The following KIF2A variants were observed in gnomAD, a reference collection of about 807,000 sequenced individuals.
KIF2A encodes the protein kinesin-like protein KIF2A.
A neutral mutation model predicts 100.2 loss-of-function variants in KIF2A; 22 were observed. The ratio of observed to expected loss-of-function variants is 0.22; its 90% CI spans 0.16 to 0.31. KIF2A has a LOEUF of 0.31. KIF2A is among the 10% of genes least tolerant of loss of function. The pLI, the probability that KIF2A is intolerant of heterozygous loss-of-function variation, is 1.00. For synonymous variants in KIF2A, 268 were observed against 285.9 expected, an observed-to-expected ratio of 0.94 and a Z score of 0.63; for missense variants, 495 against 898.7, an observed-to-expected ratio of 0.55 and a Z score of 5.74.
chr5:62,362,313 A>G (rs1417157574), intron 11 of KIF2A, 137 bp from the exon 12 acceptor site: 1 of 355,250 alleles, frequency 2.8e-6, no homozygotes, highest in Non-Finnish European at 5.1e-6. Context: ...TAAAATTAAT[A>G]TTCACTTTCT....
chr5:62,342,248 C>T (rs891172141), intron 1 of KIF2A, among the ~76,000 whole-genome samples: 3 of 152,076 alleles, frequency 2.0e-5, no homozygotes, highest in African/African-American at 2.4e-5. Context: ...GTGATTGATG[C>T]GGGGCTTGAT....
intron 1 of KIF2A, 64 bp downstream of exon 1, chr5:62,306,600 C>T (rs1745290894): frequency 1.0e-5 from 14 of 1,348,546 alleles, no homozygotes; most frequent in Non-Finnish European, 6.1e-6. Context: ...ACGGAGGGGA[C>T]GCGGGCGCCG....
At chr5:62,317,810 A>G (rs1745894258) in intron 1 of KIF2A, among the ~76,000 whole-genome samples, 1 of 152,222 alleles carries the variant, frequency 6.6e-6, no homozygotes, top group African/African-American at 2.4e-5. Flanking sequence ...GCCAGCTACA[A>G]CAAAATAATA....
rs560198706 is a variant in KIF2A at position 62,349,193 on chromosome 5, TTACTG to T, written c.280-869_280-865del. Among the ~76,000 whole-genome samples the T allele has an allele frequency of 1.3e-3, 205 of 152,078 alleles. 1 individual carries two copies. Among genetic ancestry groups the T allele is most frequent in the African/African-American group, 4.8e-3 (199 of 41,536 alleles). On this transcript the variant is annotated intron_variant, in intron 3 of 20. Coordinates refer to ENST00000407818, the MANE Select transcript of KIF2A (RefSeq NM_001098511.3). ...CTTCCTGGTATATCATTAGCAACCTTTACTGTACATTAGAATTACCTGGAATAGAT... is the reference window on the plus strand; with the variant it reads ...CTTCCTGGTATATCATTAGCAACCTTTACATTAGAATTACCTGGAATAGAT...
intron 1 of KIF2A, among the ~76,000 whole-genome samples, chr5:62,329,980 A>G (rs1194267045): frequency 6.6e-6 from 1 of 152,214 alleles, no homozygotes; most frequent in Non-Finnish European, 1.5e-5. Context: ...TTGAATTTGC[A>G]TTCTACAGTG....
At position 62,317,347 on chromosome 5, in the gene KIF2A, C is replaced by T. The variant is rs376965101; in HGVS notation, c.64+10811C>T. Among the ~76,000 whole-genome samples the T allele has an allele frequency of 1.4e-3, 206 of 152,246 alleles. 1 individual carries two copies. Among genetic ancestry groups the T allele is most frequent in the African/African-American group, 4.8e-3 (200 of 41,542 alleles). On this transcript the variant is annotated intron_variant, in intron 1 of 20. Transcript: ENST00000407818. ...ACAGGCGTGAGCCACAGTGCCCAGC[C>T]ACCTATAAGATTTTTAAGAAATGAG...
chr5:62,306,238 C>G lies in KIF2A; in HGVS notation c.-235C>G. On this transcript the variant is annotated 5_prime_UTR_variant, in exon 1 of 21. Transcript: ENST00000407818. ...CCCGCGCCGTCTCACGGCCCCGGCC[C>G]TAGCTTCACCCCGACTACCCGGCGT... The G allele has an allele frequency of 2.0e-6, 1 of 512,780 alleles. No individual in the cohort carries two copies. Among genetic ancestry groups the G allele is most frequent in the Non-Finnish European group, 3.4e-6 (1 of 292,012 alleles). The allele number at this position is 512,780 out of a possible 1,614,324, so 31.8% of individuals were successfully genotyped here.
chr5:62,355,122 A>G (rs762278974), intron 6 of KIF2A, 37 bp from the exon 7 acceptor site: 1 of 898,958 alleles, frequency 1.1e-6, no homozygotes, highest in East Asian at 2.4e-5. Flanking sequence ...ATACATTATT[A>G]TATTTATAAT....
At chr5:62,334,356 C>T (rs189198582) in intron 1 of KIF2A, among the ~76,000 whole-genome samples, 1 of 152,132 alleles carries the variant, frequency 6.6e-6, no homozygotes, top group Admixed American at 6.5e-5. Flanking sequence ...TAAGCAATCC[C>T]GATCTCCAGA....
intron 1 of KIF2A, among the ~76,000 whole-genome samples, chr5:62,339,920 GGTA>G: frequency 6.6e-6 from 1 of 151,104 alleles, no homozygotes; most frequent in Non-Finnish European, 1.5e-5. Context: ...CAAATATCTG[GGTA>G]GTTACTTTTA....
intron 12 of KIF2A, 55 bp from the exon 13 acceptor site, chr5:62,363,123 T>A: frequency 6.9e-7 from 1 of 1,446,958 alleles, no homozygotes; most frequent in Non-Finnish European, 9.4e-7. Context: ...CCATTGCACC[T>A]AGCCTGTTTT....
intron 7 of KIF2A, among the ~76,000 whole-genome samples, 188 bp downstream of exon 7, chr5:62,355,442 T>C (rs1235517622): frequency 6.6e-6 from 1 of 152,208 alleles, no homozygotes; most frequent in Non-Finnish European, 1.5e-5. Context: ...CATAATTTGG[T>C]ATATGAGATA....
At chr5:62,337,694 G>A (rs1341511754) in intron 1 of KIF2A, among the ~76,000 whole-genome samples, 1 of 151,726 alleles carries the variant, frequency 6.6e-6, no homozygotes, top group African/African-American at 2.4e-5. Context: ...GCATAGTAGT[G>A]CATGCCTGTA....
chr5:62,326,560 A>G lies in KIF2A; in HGVS notation c.64+20024A>G, dbSNP rs1207427035. On this transcript the variant is annotated intron_variant, in intron 1 of 20. Coordinates refer to ENST00000407818, the MANE Select transcript of KIF2A (RefSeq NM_001098511.3). ...TTCCTGTTTTGTGCCTCTTTCCTCCACTTGTACTCTGGATCTTGTCTCCTT... is the reference window on the plus strand; with the variant it reads ...TTCCTGTTTTGTGCCTCTTTCCTCCGCTTGTACTCTGGATCTTGTCTCCTT... Among the ~76,000 whole-genome samples the G allele has an allele frequency of 2.0e-5, 3 of 151,828 alleles. No individual in the cohort carries two copies. The East Asian group carries it at 5.8e-4, about 29-fold the overall frequency.
chr5:62,376,699 G>T (rs1261955972), intron 18 of KIF2A, among the ~76,000 whole-genome samples: 1 of 152,156 alleles, frequency 6.6e-6, no homozygotes, highest in African/African-American at 2.4e-5. Context: ...AGGATTACAG[G>T]AGTGAGCCAC....
chr5:62,386,640 G>A lies in KIF2A; in HGVS notation c.*1071G>A, dbSNP rs1742038808. On this transcript the variant is annotated 3_prime_UTR_variant, in exon 21 of 21. Transcript: ENST00000407818. ...AGTGTAGACAGTACATTACTCCCTT[G>A]AAAAAGAATTAAGTTGAAAGAGTTG... Among the ~76,000 whole-genome samples, 1 of 152,188 alleles carries A rather than the reference G, an allele frequency of 6.6e-6. No homozygotes were observed. The highest frequency in any genetic ancestry group is 2.4e-5 in the African/African-American group (1 of 41,430).
chr5:62,308,560 G>C, intron 1 of KIF2A: 3 of 702,518 alleles, frequency 4.3e-6, no homozygotes, highest in Non-Finnish European at 7.8e-6. Flanking sequence ...GTTTATGTGT[G>C]TGTATAGACA....
intron 1 of KIF2A, among the ~76,000 whole-genome samples, chr5:62,313,240 G>A (rs1364126373): frequency 6.6e-6 from 1 of 152,018 alleles, no homozygotes; most frequent in Non-Finnish European, 1.5e-5. Context: ...AGGCTTTTTT[G>A]TTAGACTCTT....
Position 62,358,220 on chromosome 5 carries a change from T to G in KIF2A, c.793T>G (p.Leu265Val), listed in dbSNP as rs1748213065. 1 of 1,606,098 alleles carries G rather than the reference T, an allele frequency of 6.2e-7. No homozygotes were observed. Among genetic ancestry groups the G allele is most frequent in the South Asian group, 1.1e-5 (1 of 89,588 alleles). The change falls in exon 9 of 21, where the codon TTA becomes GTA. Residue 265 changes from leucine to valine, a missense_variant. Transcript: ENST00000407818. ...ACATGAACCAAAACAAAAAGTAGAT[T>G]TAACAAGGTACCTAGAAAACCAAAC... is the stretch of plus-strand genomic sequence containing the variant. ...MVHEPKQKVD[L>V]TRYLENQTFR...
Sources: allele counts gnomAD v4.1 joint callset (sites outside exome capture counted in the v4.1 genomes callset), GRCh38; gene constraint gnomAD v4.1.1; transcripts MANE v1.5; gene names NCBI Gene and HGNC (gene_info 2026-07-23, HGNC 2026-07-21).